The following HCRTR2 variants were observed in gnomAD, a reference collection of about 807,000 sequenced individuals.
HCRTR2 encodes the protein hypocretin receptor 2.
A neutral mutation model predicts 49.0 loss-of-function variants in HCRTR2; 22 were observed. The observed-to-expected ratio is 0.45, with a 90% CI of 0.32 to 0.64. The LOEUF (loss-of-function observed/expected upper bound fraction) is 0.64. HCRTR2 is among the 30% of genes least tolerant of loss of function. HCRTR2 has a pLI of 0.04. For missense variants in HCRTR2, 491 were observed against 559.4 expected (o/e 0.88, Z 1.23); for synonymous variants, 236 against 205.3 (o/e 1.15, Z -1.28).
At chr6:55,254,232 T>C (rs1377041607) in intron 2 of HCRTR2, among the ~76,000 whole-genome samples, 1 of 132,206 alleles carries the variant, frequency 7.6e-6, no homozygotes, top group Non-Finnish European at 1.6e-5. Context: ...TAAATAACAA[T>C]CTGTAAAAAA....
intron 1 of HCRTR2, among the ~76,000 whole-genome samples, chr6:55,175,119 G>A (rs1460078959): frequency 3.9e-5 from 6 of 152,012 alleles, no homozygotes; most frequent in Non-Finnish European, 8.8e-5. Flanking sequence ...GGATTTTGTT[G>A]AGTGTGTGTG....
intron 2 of HCRTR2, among the ~76,000 whole-genome samples, chr6:55,249,627 G>A (rs982861040): frequency 6.6e-6 from 1 of 152,008 alleles, no homozygotes; most frequent in Admixed American, 6.6e-5. Context: ...TCATTACTAG[G>A]TGTTTTTCTT....
chr6:55,144,237 C>T (rs1764548962), intron 1 of HCRTR2, among the ~76,000 whole-genome samples: 2 of 151,354 alleles, frequency 1.3e-5, no homozygotes, highest in South Asian at 4.2e-4. Flanking sequence ...CTCAGCCTTC[C>T]GAGTAGCTGG....
At chr6:55,113,172 A>C (rs547598084) in intron 1 of HCRTR2, among the ~76,000 whole-genome samples, 4 of 152,222 alleles carry the variant, frequency 2.6e-5, no homozygotes, top group African/African-American at 9.6e-5. Flanking sequence ...AAAGCATAAA[A>C]ATTCTAGAAG....
chr6:55,158,063 T>C (rs1764754341), intron 1 of HCRTR2, among the ~76,000 whole-genome samples: 1 of 152,118 alleles, frequency 6.6e-6, no homozygotes, highest in Admixed American at 6.5e-5. Flanking sequence ...CCCAGTGAGA[T>C]CAGTGCAGAA....
rs575278565 is a variant in HCRTR2 at position 55,273,834 on chromosome 6, T to C, written c.763-3546T>C. ...TTTTTCAGGTAGTCCCTTGCCCAGGTACTTTTTAAGTGAGGTGAGTATCAA... is the reference window on the plus strand; with the variant it reads ...TTTTTCAGGTAGTCCCTTGCCCAGGCACTTTTTAAGTGAGGTGAGTATCAA... On this transcript the variant is annotated intron_variant, in intron 4 of 6. Transcript: ENST00000370862. Among the ~76,000 whole-genome samples the C allele has an allele frequency of 2.6e-5, 4 of 152,118 alleles. No individual in the cohort carries two copies. The South Asian group carries it at 8.3e-4, about 32-fold the overall frequency.
intron 1 of HCRTR2, among the ~76,000 whole-genome samples, chr6:55,185,087 A>T (rs1289142394): frequency 6.6e-6 from 1 of 152,218 alleles, no homozygotes; most frequent in African/African-American, 2.4e-5. Context: ...TTGTTATTAT[A>T]TTAAACCGAA....
intron 3 of HCRTR2, among the ~76,000 whole-genome samples, chr6:55,259,657 CATAT>C (rs35936432): frequency 0.041 from 6,231 of 150,390 alleles, 171 homozygotes; most frequent in Middle Eastern, 0.077. Flanking sequence ...TAGTTAGTTT[CATAT>C]ATATATATAT....
intron 1 of HCRTR2, among the ~76,000 whole-genome samples, chr6:55,234,988 C>G (rs1766187582): frequency 6.6e-6 from 1 of 152,116 alleles, no homozygotes; most frequent in East Asian, 1.9e-4. Flanking sequence ...TATAATCACA[C>G]ACTGGAATGA....
chr6:55,256,512 A>C (rs924769250), intron 3 of HCRTR2, among the ~76,000 whole-genome samples: 6 of 152,132 alleles, frequency 3.9e-5, no homozygotes, highest in Non-Finnish European at 7.4e-5. Flanking sequence ...GGATTATTTC[A>C]TATATTGTTG....
intron 4 of HCRTR2, among the ~76,000 whole-genome samples, chr6:55,276,118 T>C (rs1195031218): frequency 6.6e-6 from 1 of 152,136 alleles, no homozygotes; most frequent in Admixed American, 6.5e-5. Context: ...AGTTCCTATC[T>C]CTCCCCAACC....
chr6:55,195,143 A>G (rs1209370467), intron 1 of HCRTR2, among the ~76,000 whole-genome samples: 3 of 152,154 alleles, frequency 2.0e-5, no homozygotes, highest in African/African-American at 7.2e-5. Flanking sequence ...CACAGTAACC[A>G]TATAGGACAA....
intron 1 of HCRTR2, among the ~76,000 whole-genome samples, chr6:55,115,667 C>A (rs962239152): frequency 1.3e-5 from 2 of 151,494 alleles, no homozygotes; most frequent in African/African-American, 4.8e-5. Context: ...ATTCCATAAT[C>A]TTTATTAAGT....
chr6:55,142,236 G>A (rs1399450329), intron 1 of HCRTR2, among the ~76,000 whole-genome samples: 1 of 151,360 alleles, frequency 6.6e-6, no homozygotes, highest in East Asian at 1.9e-4. Context: ...TTGCTCTGTC[G>A]CCCAGGCTAG....
At chr6:55,268,740 C>T (rs1342798385) in intron 4 of HCRTR2, among the ~76,000 whole-genome samples, 1 of 152,036 alleles carries the variant, frequency 6.6e-6, no homozygotes, top group African/African-American at 2.4e-5. Flanking sequence ...ATTAAGGAGA[C>T]AAGTAGGCAG....
chr6:55,121,051 T>C (rs1764191997), intron 1 of HCRTR2, among the ~76,000 whole-genome samples: 1 of 152,160 alleles, frequency 6.6e-6, no homozygotes, highest in African/African-American at 2.4e-5. Context: ...ATTGAATCTA[T>C]AAATTACCTT....
chr6:55,124,391 G>A (rs1342941591), intron 1 of HCRTR2, among the ~76,000 whole-genome samples: 2 of 152,180 alleles, frequency 1.3e-5, no homozygotes, highest in African/African-American at 4.8e-5. Flanking sequence ...TTATTCAGGA[G>A]CAGGCTGTTC....
Position 55,185,399 on chromosome 6 carries a change from T to C in HCRTR2, c.223+10589T>C, listed in dbSNP as rs113987396. Among the ~76,000 whole-genome samples, 621 of 152,238 alleles carry C rather than the reference T, an allele frequency of 4.1e-3. 4 individuals carry two copies. The highest frequency in any genetic ancestry group is 0.014 in the African/African-American group (597 of 41,530). ...CTAGTTTATAGACGTATGTGTTATT[T>C]TTTCCCCCAGGCATAATGAACTTTA... On this transcript the variant is annotated intron_variant, in intron 1 of 6. Transcript: ENST00000370862.
At position 55,132,783 on chromosome 6, in the gene HCRTR2, G is replaced by A. The variant is rs573025413; in HGVS notation, c.-378+26238G>A. Among the ~76,000 whole-genome samples the A allele has an allele frequency of 2.1e-5, 3 of 145,210 alleles. No homozygotes were observed. In the South Asian group the frequency reaches 6.5e-4, roughly 31 times the overall value. ...TTTTTTTTTCGCTGAAAATTATAAAGAGAAACAAACAAACAAAGTGTTTGA... is the reference window on the plus strand; with the variant it reads ...TTTTTTTTTCGCTGAAAATTATAAAAAGAAACAAACAAACAAAGTGTTTGA... On this transcript the variant is annotated intron_variant, in intron 1 of 7. Transcript: ENST00000615358.
Sources: allele counts gnomAD v4.1 joint callset (sites outside exome capture counted in the v4.1 genomes callset), GRCh38; gene constraint gnomAD v4.1.1; transcripts MANE v1.5; gene names NCBI Gene and HGNC (gene_info 2026-07-23, HGNC 2026-07-21).